The following KMT2C variants were observed in gnomAD, a reference collection of about 807,000 sequenced individuals.
KMT2C encodes lysine methyltransferase 2C, also known as histone-lysine N-methyltransferase 2C.
A neutral mutation model predicts 507.9 loss-of-function variants in KMT2C; 88 were observed. That is an observed-to-expected ratio of 0.17 (90% CI 0.15 to 0.21). The LOEUF is 0.21. KMT2C is among the 10% of genes least tolerant of loss of function. The pLI is 1.00. For synonymous variants in KMT2C, 2,049 were observed against 2,080.8 expected (o/e 0.98, Z 0.42); for missense variants, 4,954 against 5,957.8 (o/e 0.83, Z 5.55).
intron 1 of KMT2C, among the ~76,000 whole-genome samples, chr7:152,424,981 T>C (rs1464836988): frequency 6.6e-6 from 1 of 152,122 alleles, no homozygotes; most frequent in Non-Finnish European, 1.5e-5. Context: ...AAAGTGTCAT[T>C]TTTGCTATGT....
chr7:152,388,434 C>T (rs2116524430), intron 1 of KMT2C, among the ~76,000 whole-genome samples: 1 of 152,150 alleles, frequency 6.6e-6, no homozygotes, highest in Non-Finnish European at 1.5e-5. Context: ...TGGTGTGTGC[C>T]AGTAGTCCCA....
At chr7:152,362,155 G>A (rs145211615) in intron 1 of KMT2C, among the ~76,000 whole-genome samples, 125 of 152,272 alleles carry the variant, frequency 8.2e-4, no homozygotes, top group African/African-American at 2.8e-3. Context: ...TTAAATAACA[G>A]ATTTATAAAA....
chr7:152,360,637 C>T (rs1191511791), intron 1 of KMT2C, among the ~76,000 whole-genome samples: 2 of 151,854 alleles, frequency 1.3e-5, no homozygotes, highest in Admixed American at 1.3e-4. Flanking sequence ...AGTTCGAGAC[C>T]AGCCTGACCA....
At chr7:152,173,872 C>T (rs976549448) in intron 39 of KMT2C, among the ~76,000 whole-genome samples, 8 of 152,172 alleles carry the variant, frequency 5.3e-5, no homozygotes, top group Admixed American at 1.3e-4. Flanking sequence ...ATCAGGAAAT[C>T]CAATCTTCCA....
chr7:152,245,669 A>G (rs2095460833), intron 14 of KMT2C, among the ~76,000 whole-genome samples: 1 of 152,200 alleles, frequency 6.6e-6, no homozygotes, highest in Non-Finnish European at 1.5e-5. Context: ...GTTTCCTATT[A>G]AAATGTTCGT....
At chr7:152,260,165 C>T (rs1226911281) in intron 9 of KMT2C, among the ~76,000 whole-genome samples, 1 of 152,154 alleles carries the variant, frequency 6.6e-6, no homozygotes, top group Non-Finnish European at 1.5e-5. Context: ...CATTTTGACT[C>T]CACAGCATAA....
At chr7:152,147,952 C>T in intron 52 of KMT2C, 81 bp downstream of exon 52, 1 of 1,410,520 alleles carries the variant, frequency 7.1e-7, no homozygotes, top group Non-Finnish European at 9.5e-7. Flanking sequence ...ATGAGACAAA[C>T]ATGGAAAATT....
chr7:152,168,621 G>A (rs745665628), intron 41 of KMT2C, among the ~76,000 whole-genome samples: 1 of 152,074 alleles, frequency 6.6e-6, no homozygotes, highest in African/African-American at 2.4e-5. Flanking sequence ...TGAGCAAAAT[G>A]AAAAATAATG....
intron 36 of KMT2C, 78 bp downstream of exon 36, chr7:152,180,633 T>C (rs2093402866): frequency 9.1e-7 from 1 of 1,103,156 alleles, no homozygotes; most frequent in Admixed American, 2.5e-5. Context: ...AACTCCTGTG[T>C]AGAAATTACT....
At position 152,390,322 on chromosome 7, in the gene KMT2C, CTGTT is replaced by C. The variant is rs527517514; in HGVS notation, c.162-31651_162-31648del. On this transcript the variant is annotated intron_variant, in intron 1 of 58. Coordinates refer to ENST00000262189, the MANE Select transcript of KMT2C (RefSeq NM_170606.3). ...CCAAGAAAAACCACATTTTACCTTA[CTGTT>C]TATCATTTGAAATAAAATATTATGT... Among the ~76,000 whole-genome samples the C allele has an allele frequency of 5.9e-5, 9 of 152,422 alleles. No individual in the cohort carries two copies. The South Asian group carries it at 1.9e-3, about 32-fold the overall frequency.
intron 1 of KMT2C, among the ~76,000 whole-genome samples, chr7:152,433,310 T>C (rs1268080479): frequency 2.0e-5 from 3 of 152,254 alleles, no homozygotes; most frequent in Non-Finnish European, 2.9e-5. Context: ...TTTCACTGGT[T>C]ACAAACCTAA....
In KMT2C at chr7:152,320,031, G is replaced by A. The variant is rs1041808661; in HGVS notation, c.390-4693C>T. On this transcript the variant is annotated intron_variant, in intron 3 of 58. Coordinates refer to ENST00000262189, the MANE Select transcript of KMT2C (RefSeq NM_170606.3). ...CGCGTCTTGGTGGTAGTGGTCCCCC[G>A]GGCCCAGCTGTCTTTTCTTTTATCT... Among the ~76,000 whole-genome samples the A allele has an allele frequency of 5.3e-5, 8 of 152,088 alleles. No individual in the cohort carries two copies. In the East Asian group the frequency reaches 9.7e-4, roughly 18 times the overall value.
At chr7:152,305,979 T>G (rs984843202) in intron 6 of KMT2C, among the ~76,000 whole-genome samples, 4 of 152,138 alleles carry the variant, frequency 2.6e-5, no homozygotes, top group African/African-American at 9.7e-5. Flanking sequence ...GGGATAGAGG[T>G]AGGAAATACA....
chr7:152,157,518 C>T (rs1384490840), intron 44 of KMT2C, among the ~76,000 whole-genome samples: 1 of 151,966 alleles, frequency 6.6e-6, no homozygotes, highest in Non-Finnish European at 1.5e-5. Context: ...TAAGGATTTC[C>T]ACTACCATGG....
At chr7:152,318,446 C>G (rs1589152367) in intron 3 of KMT2C, among the ~76,000 whole-genome samples, 1 of 149,808 alleles carries the variant, frequency 6.7e-6, no homozygotes, top group East Asian at 2.0e-4. Flanking sequence ...CCACCCACCC[C>G]CTCCCCATCT....
intron 2 of KMT2C, among the ~76,000 whole-genome samples, chr7:152,335,540 G>C (rs1196793247): frequency 6.6e-6 from 1 of 152,094 alleles, no homozygotes; most frequent in Non-Finnish European, 1.5e-5. Flanking sequence ...CCACTCCCAA[G>C]CTGTGCTCTC....
chr7:152,199,540 G>C (rs1370654925), intron 26 of KMT2C, 81 bp from the exon 27 acceptor site: 1 of 838,058 alleles, frequency 1.2e-6, no homozygotes, highest in Non-Finnish European at 1.8e-6. Flanking sequence ...TTTTTGACAA[G>C]GAAGCAGAAA....
chr7:152,371,450 A>T (rs919381459), intron 1 of KMT2C, among the ~76,000 whole-genome samples: 3 of 152,216 alleles, frequency 2.0e-5, no homozygotes, highest in African/African-American at 7.2e-5. Context: ...ACAAAGGAAG[A>T]CAGCAAGAGA....
chr7:152,435,171 G>A (rs938864879), intron 1 of KMT2C, among the ~76,000 whole-genome samples: 4 of 152,046 alleles, frequency 2.6e-5, no homozygotes, highest in African/African-American at 9.7e-5. Flanking sequence ...CCCGCGCCCC[G>A]AGACCACCTG....
Sources: gnomAD v4.1 joint callset for allele counts (sites outside exome capture counted in the v4.1 genomes callset) on GRCh38, gnomAD v4.1.1 for gene constraint, MANE v1.5 for transcripts, NCBI Gene and HGNC (gene_info 2026-07-23, HGNC 2026-07-21) for gene names.